The following TDRD3 variants were observed in gnomAD, a reference collection of about 807,000 sequenced individuals.
TDRD3 encodes the protein tudor domain-containing protein 3.
TDRD3 carries 45 observed loss-of-function variants against 86.7 expected under a neutral mutation model. That is an observed-to-expected ratio of 0.52 (90% CI 0.41 to 0.67). The LOEUF (loss-of-function observed/expected upper bound fraction) is 0.67, where lower values mean the gene tolerates loss of function less well. Ranked by LOEUF, TDRD3 falls within the 30% of genes least tolerant of loss-of-function variation. The pLI is 0.00. For synonymous variants in TDRD3, 298 were observed against 301.7 expected (o/e 0.99, Z 0.13); for missense variants, 814 against 889.0 (o/e 0.92, Z 1.07).
rs1313569402 is a variant in TDRD3 at position 60,428,981 on chromosome 13, GA to G, written c.42-10700del. 3.3e-5 allele frequency among the ~76,000 whole-genome samples: 5 copies of G among 151,868 alleles called. No homozygotes were observed. The South Asian group carries it at 1.0e-3, about 31-fold the overall frequency. ...TGAAATTTCCTGGTCTCCTTCAATA[GA>G]AAAAAATATCTAATTTATTTGCAGC... On this transcript the variant is annotated intron_variant, in intron 1 of 13. Transcript: ENST00000377881.
At chr13:60,446,927 A>G (rs756758914) in intron 3 of TDRD3, among the ~76,000 whole-genome samples, 3 of 152,190 alleles carry the variant, frequency 2.0e-5, no homozygotes, top group Non-Finnish European at 2.9e-5. Flanking sequence ...GTTACTTACT[A>G]ACATTATGTA....
intron 1 of TDRD3, among the ~76,000 whole-genome samples, chr13:60,438,754 CTGT>C (rs1955180756): frequency 1.3e-5 from 2 of 152,016 alleles, no homozygotes; most frequent in South Asian, 4.1e-4. Context: ...GGTGGAATTG[CTGT>C]TCATCAAAAA....
At chr13:60,538,383 A>ATTTT (rs34945980) in intron 12 of TDRD3, among the ~76,000 whole-genome samples, 5 of 138,668 alleles carry the variant, frequency 3.6e-5, no homozygotes, top group African/African-American at 5.3e-5. Flanking sequence ...TTTCACCTGT[A>ATTTT]TTTTTTTTTT....
chr13:60,420,804 C>T (rs1022513978), intron 1 of TDRD3, among the ~76,000 whole-genome samples: 16 of 151,864 alleles, frequency 1.1e-4, no homozygotes, highest in African/African-American at 2.4e-4. Context: ...ATTAGCCGGG[C>T]GTGATGGCGG....
intron 5 of TDRD3, among the ~76,000 whole-genome samples, chr13:60,474,827 GTGTC>G (rs1956150713): frequency 1.3e-5 from 2 of 151,046 alleles, no homozygotes; most frequent in Non-Finnish European, 3.0e-5. Context: ...CCTGCATGGT[GTGTC>G]TTTTAGTTCA....
rs1259276108 is a variant in TDRD3 at position 60,561,925 on chromosome 13, A to C, written c.2119-5600A>C. ...GTAGAACTACAAATATTAAAGTGGA[A>C]TTTTTTTAAACAAGGATAATTGGTA... On this transcript the variant is annotated intron_variant, in intron 12 of 13. Coordinates refer to ENST00000377881, the MANE Select transcript of TDRD3 (RefSeq NM_001146070.2). Among the ~76,000 whole-genome samples the C allele has an allele frequency of 2.0e-5, 3 of 151,614 alleles. No individual in the cohort carries two copies. The South Asian group carries it at 6.3e-4, about 32-fold the overall frequency.
chr13:60,407,796 A>G (rs748863686), intron 1 of TDRD3, among the ~76,000 whole-genome samples: 17 of 152,188 alleles, frequency 1.1e-4, no homozygotes, highest in Admixed American at 3.3e-4. Context: ...AGAATTGCTT[A>G]CAGCTTAGCA....
intron 5 of TDRD3, among the ~76,000 whole-genome samples, chr13:60,478,850 C>T (rs1319347926): frequency 6.9e-6 from 1 of 145,356 alleles, no homozygotes; most frequent in Non-Finnish European, 1.5e-5. Context: ...GTCATCCAGG[C>T]CAGAGTGCTG....
intron 1 of TDRD3, among the ~76,000 whole-genome samples, chr13:60,414,537 T>C (rs1188957007): frequency 6.6e-6 from 1 of 152,172 alleles, no homozygotes; most frequent in African/African-American, 2.4e-5. Flanking sequence ...TAGAAAAAAC[T>C]GAAGTTGGAA....
chr13:60,425,180 T>G (rs1954770197), intron 1 of TDRD3, among the ~76,000 whole-genome samples: 2 of 152,008 alleles, frequency 1.3e-5, no homozygotes, highest in Non-Finnish European at 2.9e-5. Context: ...TAAAAATAAT[T>G]TGATTAAAAA....
intron 8 of TDRD3, among the ~76,000 whole-genome samples, chr13:60,503,345 A>G (rs1956872880): frequency 1.3e-5 from 2 of 152,206 alleles, no homozygotes; most frequent in South Asian, 2.1e-4. Flanking sequence ...TTGTCTGCAA[A>G]TGACATTTCC....
chr13:60,512,507 A>T (rs907199051), intron 10 of TDRD3, among the ~76,000 whole-genome samples: 5 of 152,234 alleles, frequency 3.3e-5, no homozygotes, highest in Non-Finnish European at 7.3e-5. Context: ...ATCTGAGACA[A>T]GGCAAATCTC....
chr13:60,544,407 C>T (rs990662982), intron 12 of TDRD3, among the ~76,000 whole-genome samples: 3 of 147,280 alleles, frequency 2.0e-5, no homozygotes, highest in Non-Finnish European at 4.5e-5. Context: ...CTGTACTACA[C>T]TCCAGCCTGG....
At chr13:60,413,542 A>C (rs1217733250) in intron 1 of TDRD3, among the ~76,000 whole-genome samples, 1 of 152,198 alleles carries the variant, frequency 6.6e-6, no homozygotes, top group Non-Finnish European at 1.5e-5. Flanking sequence ...AAGTTAATAC[A>C]CACAAAGTGC....
At chr13:60,553,795 A>T (rs949733526) in intron 12 of TDRD3, among the ~76,000 whole-genome samples, 2 of 152,112 alleles carry the variant, frequency 1.3e-5, no homozygotes, top group Non-Finnish European at 2.9e-5. Context: ...AGGTCCCTCC[A>T]TTGACATGTG....
chr13:60,482,791 A>G (rs956066781), intron 5 of TDRD3, among the ~76,000 whole-genome samples: 1 of 151,060 alleles, frequency 6.6e-6, no homozygotes, highest in South Asian at 2.1e-4. Flanking sequence ...CAGTGTTTAC[A>G]CAATTCAGGA....
At chr13:60,485,690 T>C (rs1956415334) in intron 6 of TDRD3, 109 bp from the exon 7 acceptor site, 1 of 876,278 alleles carries the variant, frequency 1.1e-6, no homozygotes, top group Non-Finnish European at 1.6e-6. Context: ...TGTAGGCTTT[T>C]AGCTATTGTA....
intron 12 of TDRD3, among the ~76,000 whole-genome samples, chr13:60,538,964 T>G (rs1217652099): frequency 1.3e-5 from 2 of 152,186 alleles, no homozygotes; most frequent in East Asian, 3.8e-4. Context: ...ACTTTCTTTT[T>G]AAAAGTTCAT....
intron 10 of TDRD3, among the ~76,000 whole-genome samples, chr13:60,520,893 G>A (rs1235679401): frequency 6.6e-6 from 1 of 152,162 alleles, no homozygotes; most frequent in Non-Finnish European, 1.5e-5. Context: ...TTTGGGCCCA[G>A]GAGAAAGCAG....
Sources: allele counts gnomAD v4.1 joint callset (sites outside exome capture counted in the v4.1 genomes callset), GRCh38; gene constraint gnomAD v4.1.1; transcripts MANE v1.5; gene names NCBI Gene and HGNC (gene_info 2026-07-23, HGNC 2026-07-21).